Variants in RABEP1 observed in about 807,000 individuals in gnomAD.
RABEP1 encodes the protein rabaptin, RAB GTPase binding effector protein 1, also known as rab GTPase-binding effector protein 1.
RABEP1 carries 51 observed loss-of-function variants against 123.4 expected under a neutral mutation model. The ratio of observed to expected loss-of-function variants is 0.41; its 90% confidence interval spans 0.33 to 0.52. The LOEUF is 0.52. Ranked by LOEUF, RABEP1 falls within the 20% of genes least tolerant of loss-of-function variation. RABEP1 has a pLI of 0.16. For synonymous variants in RABEP1, 347 were observed against 355.2 expected (o/e 0.98, Z 0.26); for missense variants, 888 against 996.3 (o/e 0.89, Z 1.46).
At chr17:5,283,909 T>C (rs1250679749) in intron 1 of RABEP1, 2 of 152,198 alleles carry the variant, frequency 1.3e-5, no homozygotes, top group South Asian at 2.1e-4. Context: ...GCATTTTTGG[T>C]GGGCTGTCAG....
chr17:5,365,093 T>C (rs1909900844), intron 10 of RABEP1, 29 bp from the exon 11 acceptor site: 1 of 1,441,680 alleles, frequency 6.9e-7, no homozygotes, highest in Non-Finnish European at 9.4e-7. Flanking sequence ...GGATTCTGGT[T>C]TTTCTAATTG....
intron 15 of RABEP1, among the ~76,000 whole-genome samples, chr17:5,379,017 C>T (rs1911228588): frequency 1.3e-5 from 2 of 152,180 alleles, no homozygotes; most frequent in African/African-American, 2.4e-5. Context: ...GCTGATGCCA[C>T]GAGACTTGGT....
At chr17:5,361,737 G>A in intron 9 of RABEP1, 62 bp downstream of exon 9, 2 of 1,388,538 alleles carry the variant, frequency 1.4e-6, no homozygotes, top group Non-Finnish European at 2.0e-6. Context: ...GAAGCTCTGG[G>A]ATTTAGCGTT....
At chr17:5,358,448 A>G (rs112918260) in intron 8 of RABEP1, among the ~76,000 whole-genome samples, 21,502 of 152,032 alleles carry the variant, frequency 0.14, 1,578 homozygotes, top group African/African-American at 0.16. Flanking sequence ...AGACAGGCGG[A>G]TCATTCGAGG....
chr17:5,283,166 T>A lies in RABEP1; in HGVS notation c.34+646T>A, dbSNP rs150479918. On this transcript the variant is annotated intron_variant, in intron 1 of 17. Coordinates refer to ENST00000537505, the MANE Select transcript of RABEP1 (RefSeq NM_004703.6). Reference sequence around the variant, plus strand: ...ATTAACCAAGAGGTTAATTCATGCCTTTATATTTTATCTATAAAAATAGCA... The same window carrying A: ...ATTAACCAAGAGGTTAATTCATGCCATTATATTTTATCTATAAAAATAGCA... Among the ~76,000 whole-genome samples the A allele has an allele frequency of 1.9e-3, 289 of 152,222 alleles. 2 individuals are homozygous for A. Among genetic ancestry groups the A allele is most frequent in the African/African-American group, 6.5e-3 (270 of 41,534 alleles).
chr17:5,287,341 G>A (rs1041098927), intron 1 of RABEP1, among the ~76,000 whole-genome samples: 2 of 151,970 alleles, frequency 1.3e-5, no homozygotes, highest in Non-Finnish European at 2.9e-5. Context: ...GCTCACGCCT[G>A]TAATCCCAGC....
At chr17:5,311,089 C>T (rs1185663324) in intron 2 of RABEP1, among the ~76,000 whole-genome samples, 3 of 151,916 alleles carry the variant, frequency 2.0e-5, no homozygotes, top group East Asian at 1.9e-4. Flanking sequence ...GGATTACAGG[C>T]GTGAGCCACC....
intron 8 of RABEP1, 118 bp from the exon 9 acceptor site, chr17:5,361,088 TGA>T (rs1909483134): frequency 1.1e-6 from 1 of 875,724 alleles, no homozygotes; most frequent in African/African-American, 1.7e-5. Flanking sequence ...AATGAGTCTG[TGA>T]AGGTAGCACA....
chr17:5,321,273 C>G (rs1161662147), intron 2 of RABEP1, among the ~76,000 whole-genome samples: 1 of 152,182 alleles, frequency 6.6e-6, no homozygotes, highest in East Asian at 1.9e-4. Context: ...GAGACCCCAT[C>G]TCTACTAAAA....
chr17:5,330,051 C>T (rs992050928), intron 2 of RABEP1, among the ~76,000 whole-genome samples: 4 of 152,048 alleles, frequency 2.6e-5, no homozygotes, highest in African/African-American at 4.8e-5. Context: ...AAACTTGAGC[C>T]TTGATAAAAT....
intron 2 of RABEP1, among the ~76,000 whole-genome samples, chr17:5,310,604 G>A (rs1423900386): frequency 6.6e-6 from 1 of 151,556 alleles, no homozygotes; most frequent in African/African-American, 2.4e-5. Context: ...CACCACGCCT[G>A]GCCAACTTCC....
intron 2 of RABEP1, among the ~76,000 whole-genome samples, chr17:5,326,399 A>G (rs1156257935): frequency 6.6e-6 from 1 of 152,214 alleles, no homozygotes; most frequent in East Asian, 1.9e-4. Context: ...AAAAGGCCAT[A>G]TACTGTATGA....
intron 6 of RABEP1, among the ~76,000 whole-genome samples, chr17:5,349,287 C>T (rs529966374): frequency 6.6e-6 from 1 of 152,254 alleles, no homozygotes; most frequent in African/African-American, 2.4e-5. Flanking sequence ...AAAAAGGGGC[C>T]TCTGTTGTAG....
intron 15 of RABEP1, among the ~76,000 whole-genome samples, chr17:5,379,131 G>T (rs1295359480): frequency 1.3e-5 from 2 of 152,108 alleles, no homozygotes; most frequent in Non-Finnish European, 2.9e-5. Context: ...GGCAGTTTCA[G>T]AGTCACCTCA....
In RABEP1 at chr17:5,374,704, A is replaced by G. The variant is rs1192047203; in HGVS notation, c.2025+1250A>G. On this transcript the variant is annotated intron_variant, in intron 13 of 17. Coordinates refer to ENST00000537505, the MANE Select transcript of RABEP1 (RefSeq NM_004703.6). ...ACCCAGGCTGGAGTGCAGTGGCGCA[A>G]CCTAGGCTTACTGCAACCTCTGTCT... Among the ~76,000 whole-genome samples the G allele has an allele frequency of 2.0e-5, 3 of 152,194 alleles. No individual in the cohort carries two copies. The East Asian group carries it at 5.8e-4, about 29-fold the overall frequency.
chr17:5,339,360 T>C (rs1286245614), intron 5 of RABEP1, among the ~76,000 whole-genome samples: 3 of 152,042 alleles, frequency 2.0e-5, no homozygotes, highest in Non-Finnish European at 2.9e-5. Flanking sequence ...ACTGAAAATA[T>C]TAGCCAGTTA....
chr17:5,323,696 C>CTCTAGGAATATATATATATA (rs1905621266), intron 2 of RABEP1, among the ~76,000 whole-genome samples: 1 of 101,702 alleles, frequency 9.8e-6, no homozygotes, highest in South Asian at 2.9e-4. Context: ...ATATATCTCT[C>CTCTAGGAATATATATATATA]TCTAGGAATA....
chr17:5,361,288 A>G lies in RABEP1; in HGVS notation c.1176A>G (p.Lys392=), dbSNP rs1319613540. 2.5e-6 allele frequency: 4 copies of G among 1,614,030 alleles called. No homozygotes were observed. In the African/African-American group the frequency reaches 5.3e-5, roughly 22 times the overall value. The change falls in exon 9 of 18, where the codon AAA becomes AAG. Residue 392 remains lysine, a synonymous_variant. Coordinates refer to ENST00000537505, the MANE Select transcript of RABEP1 (RefSeq NM_004703.6). Reference sequence around the variant, plus strand: ...TGCCATCTGGAGATCCTTTCAGTAAATCGGACAATGACATGTTTAAAGATG... The same window carrying G: ...TGCCATCTGGAGATCCTTTCAGTAAGTCGGACAATGACATGTTTAAAGATG... ...LLLPSGDPFS[K]SDNDMFKDGL...
intron 14 of RABEP1, 81 bp downstream of exon 14, chr17:5,377,386 T>C (rs1287658973): frequency 9.0e-7 from 1 of 1,105,152 alleles, no homozygotes; most frequent in Admixed American, 3.2e-5. Flanking sequence ...GGCCATGGAG[T>C]CTGGAACACA....
Sources: gnomAD v4.1 joint callset for allele counts (sites outside exome capture counted in the v4.1 genomes callset) on GRCh38, gnomAD v4.1.1 for gene constraint, MANE v1.5 for transcripts, NCBI Gene and HGNC (gene_info 2026-07-23, HGNC 2026-07-21) for gene names.